The following MAP7 variants were observed in gnomAD, a reference collection of about 807,000 sequenced individuals.
MAP7 encodes ensconsin.
MAP7 carries 52 observed loss-of-function variants against 94.8 expected under a neutral mutation model. That is an observed-to-expected ratio of 0.55 (90% CI 0.44 to 0.69). The LOEUF is 0.69. Among genes scored for constraint, MAP7 ranks in the 30% least tolerant of loss-of-function variants. The pLI is 0.00. For missense variants in MAP7, 940 were observed against 964.6 expected (o/e 0.97, Z 0.34); for synonymous variants, 350 against 357.0 (o/e 0.98, Z 0.22).
chr6:136,528,063 C>T (rs1159998320), intron 1 of MAP7, among the ~76,000 whole-genome samples: 2 of 152,158 alleles, frequency 1.3e-5, no homozygotes, highest in African/African-American at 2.4e-5. Flanking sequence ...GTTTTACATG[C>T]GAGGAAGCTG....
chr6:136,406,154 G>T (rs1785526794), intron 3 of MAP7, among the ~76,000 whole-genome samples: 1 of 152,128 alleles, frequency 6.6e-6, no homozygotes, highest in Non-Finnish European at 1.5e-5. Context: ...TTTCTGAAGA[G>T]AAATCGGTAA....
intron 1 of MAP7, among the ~76,000 whole-genome samples, chr6:136,489,942 A>C (rs1049281903): frequency 1.3e-5 from 2 of 152,200 alleles, no homozygotes; most frequent in African/African-American, 4.8e-5. Flanking sequence ...AGAGATTCAT[A>C]AGACACTTGT....
intron 1 of MAP7, among the ~76,000 whole-genome samples, chr6:136,428,413 G>A (rs1297469113): frequency 2.6e-5 from 4 of 152,034 alleles, no homozygotes; most frequent in Non-Finnish European, 5.9e-5. Context: ...CCAGCTACTC[G>A]GGAGGCTGAG....
chr6:136,360,280 G>A (rs577741697), intron 13 of MAP7, among the ~76,000 whole-genome samples: 2 of 152,168 alleles, frequency 1.3e-5, no homozygotes, highest in East Asian at 3.9e-4. Context: ...CAGGTAGCTG[G>A]GATTACAGGC....
chr6:136,420,349 G>C (rs1790911175), intron 2 of MAP7: 1 of 646,782 alleles, frequency 1.5e-6, no homozygotes, highest in Non-Finnish European at 2.8e-6. Context: ...TGCCCAGCCC[G>C]GCCGCGAAGT....
intron 1 of MAP7, chr6:136,466,799 C>A (rs766874039): frequency 2.0e-5 from 31 of 1,535,048 alleles, no homozygotes; most frequent in Non-Finnish European, 2.6e-5. Flanking sequence ...ATCCTTCTTT[C>A]TTGAATATCC....
intron 1 of MAP7, among the ~76,000 whole-genome samples, chr6:136,504,756 A>G (rs375534054): frequency 3.7e-4 from 56 of 152,230 alleles, no homozygotes; most frequent in African/African-American, 1.2e-3. Context: ...TCTCGGCCCA[A>G]TGCAACCTCT....
intron 1 of MAP7, among the ~76,000 whole-genome samples, chr6:136,533,096 A>C (rs1489973239): frequency 6.6e-6 from 1 of 152,194 alleles, no homozygotes; most frequent in Non-Finnish European, 1.5e-5. Flanking sequence ...AACATGGAGA[A>C]ACCCCATCTC....
chr6:136,376,850 C>T (rs1776304549), intron 7 of MAP7, among the ~76,000 whole-genome samples: 1 of 152,162 alleles, frequency 6.6e-6, no homozygotes, highest in Non-Finnish European at 1.5e-5. Flanking sequence ...ACCATAAAAC[C>T]ACCAACAATT....
chr6:136,431,529 A>AAT lies in MAP7; in HGVS notation c.68-9731_68-9730insAT, dbSNP rs1794911645. 6.2e-4 allele frequency among the ~76,000 whole-genome samples: 21 copies of AAT among 34,014 alleles called. No individual in the cohort carries two copies. The Admixed American group carries it at 6.9e-3, about 11-fold the overall frequency. 22.3% of individuals were successfully genotyped at this position (34,014 alleles called of 152,430 possible). On this transcript the variant is annotated intron_variant, in intron 1 of 17. Coordinates refer to ENST00000354570, the MANE Select transcript of MAP7 (RefSeq NM_003980.6). Reference sequence around the variant, plus strand: ...ATTTATTTATTTATTTATTTATTTAATTTTTTGAGACGGAGTCTTGCTATG... The same window carrying AAT: ...ATTTATTTATTTATTTATTTATTTAAATTTTTTTGAGACGGAGTCTTGCTATG...
chr6:136,417,684 G>C (rs1789939502), intron 2 of MAP7, among the ~76,000 whole-genome samples: 1 of 152,118 alleles, frequency 6.6e-6, no homozygotes, highest in Non-Finnish European at 1.5e-5. Context: ...AGACAGCACG[G>C]ATATGTGTCA....
In MAP7 at chr6:136,383,728, C is replaced by T. The variant is rs375908348; in HGVS notation, c.580G>A (p.Val194Ile). Residue 194 changes from valine to isoleucine, a missense_variant, in exon 6 of 18, where the codon GTC (valine) becomes ATC (isoleucine). Physicochemically the swap from Val to Ile is conservative, Grantham distance 29. Coordinates refer to ENST00000354570, the MANE Select transcript of MAP7 (RefSeq NM_003980.6). Reference protein sequence around the residue: ...TMNLSKYVDPVISKRLSSSSA... With the variant: ...TMNLSKYVDPIISKRLSSSSA... Reference sequence around the variant, plus strand: ...GAAGAGGAGAGCCGCTTGCTAATGACGGGATCAACATATTTCGAAAGATTC... The same window carrying T: ...GAAGAGGAGAGCCGCTTGCTAATGATGGGATCAACATATTTCGAAAGATTC... 6.4e-5 allele frequency: 103 copies of T among 1,610,864 alleles called. No homozygotes were observed. The highest frequency in any genetic ancestry group is 7.9e-5 in the Non-Finnish European group (93 of 1,178,452).
intron 15 of MAP7, among the ~76,000 whole-genome samples, chr6:136,359,425 C>T (rs1360459642): frequency 6.6e-6 from 1 of 152,028 alleles, no homozygotes; most frequent in East Asian, 1.9e-4. Context: ...AAAGTCCTTT[C>T]TTAAGAGGAA....
intron 1 of MAP7, among the ~76,000 whole-genome samples, chr6:136,446,042 C>T (rs1318665641): frequency 6.6e-6 from 1 of 152,198 alleles, no homozygotes; most frequent in Non-Finnish European, 1.5e-5. Context: ...ATTGGGGTTC[C>T]CACAACCCCT....
intron 1 of MAP7, among the ~76,000 whole-genome samples, chr6:136,472,271 A>C (rs1040411139): frequency 6.6e-6 from 1 of 152,186 alleles, no homozygotes; most frequent in Non-Finnish European, 1.5e-5. Context: ...GATTTCACTG[A>C]TACAGAGGAT....
chr6:136,496,711 G>A (rs1292874003), intron 1 of MAP7, among the ~76,000 whole-genome samples: 1 of 150,510 alleles, frequency 6.6e-6, no homozygotes, highest in Non-Finnish European at 1.5e-5. Context: ...AGGCTGAGGA[G>A]GGTGGATCTC....
chr6:136,495,639 GT>G (rs758286223), intron 1 of MAP7, among the ~76,000 whole-genome samples: 1 of 152,020 alleles, frequency 6.6e-6, no homozygotes, highest in Non-Finnish European at 1.5e-5. Flanking sequence ...ACCTGTATAA[GT>G]TTTTTTAAAA....
chr6:136,415,635 G>A (rs1422470632), intron 2 of MAP7, among the ~76,000 whole-genome samples: 1 of 152,180 alleles, frequency 6.6e-6, no homozygotes, highest in East Asian at 1.9e-4. Context: ...AGTTGAAGAA[G>A]TGCTAGTTTT....
rs193255138 is a variant in MAP7, at chr6:136,444,952, C to A, written c.68-23153G>T. On this transcript the variant is annotated intron_variant, in intron 1 of 17. Coordinates refer to ENST00000354570, the MANE Select transcript of MAP7 (RefSeq NM_003980.6). ...AGAGGTCTGACCCTGCTACTCTCTACTCTGTAGAGGTGAGATGTGTCGACT... is the reference window on the plus strand; with the variant it reads ...AGAGGTCTGACCCTGCTACTCTCTAATCTGTAGAGGTGAGATGTGTCGACT... Among the ~76,000 whole-genome samples the A allele has an allele frequency of 1.1e-4, 16 of 152,302 alleles. No individual in the cohort carries two copies. In the East Asian group the frequency reaches 2.9e-3, roughly 28 times the overall value.
Sources: gnomAD v4.1 joint callset for allele counts (sites outside exome capture counted in the v4.1 genomes callset) on GRCh38, gnomAD v4.1.1 for gene constraint, MANE v1.5 for transcripts, NCBI Gene and HGNC (gene_info 2026-07-23, HGNC 2026-07-21) for gene names.